Variants in PLEKHA6 observed in about 807,000 individuals in gnomAD.
The protein encoded by PLEKHA6 is pleckstrin homology domain-containing family A member 6.
A neutral mutation model predicts 116.7 loss-of-function variants in PLEKHA6; 60 were observed. The observed-to-expected ratio is 0.51, with a 90% CI of 0.42 to 0.64. The LOEUF is 0.64. Ranked by LOEUF, PLEKHA6 falls within the 30% of genes least tolerant of loss-of-function variation. The pLI is 0.00. For missense variants in PLEKHA6, 1,338 were observed against 1,422.7 expected (o/e 0.94, Z 0.96); for synonymous variants, 489 against 556.1 (o/e 0.88, Z 1.70).
At chr1:204,270,984 C>T (rs1030415188) in intron 3 of PLEKHA6, among the ~76,000 whole-genome samples, 1 of 152,222 alleles carries the variant, frequency 6.6e-6, no homozygotes, top group Non-Finnish European at 1.5e-5. Flanking sequence ...CCCCACTCCA[C>T]GAAGTCCTGA....
intron 1 of PLEKHA6, among the ~76,000 whole-genome samples, chr1:204,283,123 T>C (rs1296495459): frequency 1.3e-5 from 2 of 152,204 alleles, no homozygotes; most frequent in African/African-American, 4.8e-5. Context: ...ATTGAAACCA[T>C]GTCTCTGCAT....
At chr1:204,271,726 T>C (rs1301534608) in intron 3 of PLEKHA6, among the ~76,000 whole-genome samples, 2 of 152,312 alleles carry the variant, frequency 1.3e-5, no homozygotes, top group South Asian at 2.1e-4. Context: ...CTGCCTTCCC[T>C]GCTCTCACAG....
chr1:204,378,017 C>T (rs756782724), upstream of PLEKHA6: 9 of 152,268 alleles, frequency 5.9e-5, no homozygotes, highest in African/African-American at 1.7e-4. Flanking sequence ...CGATGCCTCT[C>T]CTGCCGGGAC....
chr1:204,371,175 T>A (rs1348335555), intron 2 of PLEKHA6, among the ~76,000 whole-genome samples: 2 of 151,802 alleles, frequency 1.3e-5, no homozygotes, highest in African/African-American at 4.8e-5. Context: ...AACCCTTCCA[T>A]CACGACATAA....
At position 204,244,845 on chromosome 1, in the gene PLEKHA6, A is replaced by G. The variant is rs372729575; in HGVS notation, c.2172+19T>C. 17 of 1,547,062 alleles carry G rather than the reference A, an allele frequency of 1.1e-5. No homozygotes were observed. In the African/African-American group the frequency reaches 2.4e-4, roughly 22 times the overall value. On this transcript the variant is annotated intron_variant, in intron 15 of 22. Transcript: ENST00000272203. ...GTCCTCCCTCCCCCACCTACCTTCT[A>G]CTCCATTTCTCAACTTACCTCGTTG...
At position 204,261,424 on chromosome 1, in the gene PLEKHA6, A is replaced by G. The variant is rs754959432; in HGVS notation, c.406T>C (p.Tyr136His). Reference protein sequence around the residue: ...FKAEHAGVRTYFFSAESPEEQ... With the variant: ...FKAEHAGVRTHFFSAESPEEQ... ...TCGGGGCTCTCGGCACTGAAGAAGT[A>G]GGTGCGGACCCCGGCATGCTCAGCC... The change falls in exon 7 of 23, where the codon TAC becomes CAC. Residue 136 changes from tyrosine to histidine, a missense_variant. This residue lies in a region of PLEKHA6 where 140 missense variants were observed against 197.4 expected (regional missense o/e 0.71). Coordinates refer to ENST00000272203, the MANE Select transcript of PLEKHA6 (RefSeq NM_014935.5). This position sits in a 1 kb window ranked among gnomAD's most constrained non-coding sequence, Gnocchi z 4.0. The G allele has an allele frequency of 1.9e-6, 3 of 1,613,326 alleles. No individual in the cohort carries two copies. The African/African-American group carries it at 4.0e-5, about 22-fold the overall frequency.
In PLEKHA6 at chr1:204,268,265, G is replaced by A. The variant is rs369436559; in HGVS notation, c.150C>T (p.His50=). The A allele has an allele frequency of 5.9e-5, 95 of 1,612,744 alleles. No individual in the cohort carries two copies. Among genetic ancestry groups the A allele is most frequent in the Non-Finnish European group, 7.2e-5 (85 of 1,179,496 alleles). The change falls in exon 4 of 23, where the codon CAC becomes CAT. Residue 50 remains histidine (H), a synonymous_variant. Transcript: ENST00000272203. The part of the protein sequence containing the change: ...RKAVAFGKRS[H]SMKRNPNAPV... ...GTGCATTGGGGTTCCGCTTCATGGAGTGTGAGCGCTTGCCAAAGGCGACGG... is the reference window on the plus strand; with the variant it reads ...GTGCATTGGGGTTCCGCTTCATGGAATGTGAGCGCTTGCCAAAGGCGACGG...
At chr1:204,225,196 A>G (rs986800763) in intron 21 of PLEKHA6, among the ~76,000 whole-genome samples, 9 of 152,386 alleles carry the variant, frequency 5.9e-5, no homozygotes, top group African/African-American at 1.9e-4. Context: ...AACATTTAGC[A>G]TAGCTACAAA....
At chr1:204,360,975 A>G (rs1673546414), upstream of PLEKHA6, among the ~76,000 whole-genome samples, 1 of 152,196 alleles carries the variant, frequency 6.6e-6, no homozygotes, top group Non-Finnish European at 1.5e-5. Context: ...GTGTAATAAA[A>G]ACACTGATTT....
Position 204,251,620 on chromosome 1 carries a change from G to A in PLEKHA6, c.1525-1006C>T, listed in dbSNP as rs532748215. 1.3e-4 allele frequency: 91 copies of A among 702,726 alleles called. 2 individuals carry two copies. In the South Asian group the frequency reaches 1.3e-3, roughly 10 times the overall value. 43.5% of individuals were successfully genotyped at this position (702,726 alleles called of 1,614,324 possible). A position where few individuals can be genotyped will look rare whatever the true frequency, so the allele number is the denominator to read the frequency against. ...GTCTCGCTCTCACTCATCTGCAGCA[G>A]AGGAAGGAACGGACTATTCACACTC... On this transcript the variant is annotated intron_variant, in intron 9 of 22. Coordinates refer to ENST00000272203, the MANE Select transcript of PLEKHA6 (RefSeq NM_014935.5).
chr1:204,377,067 A>T (rs1673883093), intron 1 of PLEKHA6, among the ~76,000 whole-genome samples: 1 of 152,192 alleles, frequency 6.6e-6, no homozygotes, highest in South Asian at 2.1e-4. Flanking sequence ...TCTTGACCAC[A>T]GCCCCATAAA....
upstream of PLEKHA6, among the ~76,000 whole-genome samples, chr1:204,361,497 GCA>G (rs374830240): frequency 1.8e-3 from 273 of 152,338 alleles, 1 homozygote; most frequent in African/African-American, 6.3e-3. Flanking sequence ...CCACCCCAGG[GCA>G]GGCCAGGCTG....
At chr1:204,252,121 G>C (rs1320796929) in intron 9 of PLEKHA6, among the ~76,000 whole-genome samples, 1 of 149,574 alleles carries the variant, frequency 6.7e-6, no homozygotes, top group African/African-American at 2.5e-5. Context: ...CTCGGCTCTA[G>C]TGCAGAAAGT....
chr1:204,328,241 C>T (rs1672318231), intron 1 of PLEKHA6, among the ~76,000 whole-genome samples: 1 of 151,694 alleles, frequency 6.6e-6, no homozygotes, highest in South Asian at 2.1e-4. Context: ...CACCCCCACG[C>T]CCAGCTAATT....
intron 17 of PLEKHA6, among the ~76,000 whole-genome samples, chr1:204,240,723 A>C (rs1662690306): frequency 6.6e-6 from 1 of 152,174 alleles, no homozygotes; most frequent in African/African-American, 2.4e-5. Flanking sequence ...GTATGGGTTC[A>C]AGTTGACAAG....
chr1:204,252,810 G>A (rs1217088122), intron 9 of PLEKHA6, among the ~76,000 whole-genome samples: 1 of 152,240 alleles, frequency 6.6e-6, no homozygotes, highest in Non-Finnish European at 1.5e-5. Context: ...CCTAGGAACT[G>A]ATTTTTCTAC....
At chr1:204,231,775 T>C (rs886361641) in intron 17 of PLEKHA6, among the ~76,000 whole-genome samples, 4 of 152,158 alleles carry the variant, frequency 2.6e-5, no homozygotes, top group South Asian at 2.1e-4. Flanking sequence ...GGTCTTGCTT[T>C]CTTGCTCAAG....
At chr1:204,350,820 C>T (rs114425310) in intron 1 of PLEKHA6, among the ~76,000 whole-genome samples, 2,605 of 152,286 alleles carry the variant, frequency 0.017, 65 homozygotes, top group African/African-American at 0.056. Context: ...AAGGCCAAGA[C>T]GACTCACACT....
At chr1:204,321,569 C>T (rs1190464736) in intron 1 of PLEKHA6, among the ~76,000 whole-genome samples, 1 of 151,680 alleles carries the variant, frequency 6.6e-6, no homozygotes, top group African/African-American at 2.4e-5. Flanking sequence ...ACCCTTCCAC[C>T]CTACCCTTCC....
Sources: gnomAD v4.1 joint callset for allele counts (sites outside exome capture counted in the v4.1 genomes callset) on GRCh38, gnomAD v4.1.1 for gene constraint, gnomAD v4.1.1 regional missense constraint, Gnocchi (gnomAD v3.1) non-coding constraint, MANE v1.5 for transcripts, NCBI Gene and HGNC (gene_info 2026-07-23, HGNC 2026-07-21) for gene names.